The following CAMTA1 variants were observed in gnomAD, a reference collection of about 807,000 sequenced individuals.
CAMTA1 encodes the protein calmodulin binding transcription activator 1.
Under a neutral mutation model 170.9 loss-of-function variants are expected in CAMTA1, and 27 were observed. That is an observed-to-expected ratio of 0.16 (90% CI 0.12 to 0.22). The LOEUF (loss-of-function observed/expected upper bound fraction) is 0.22. Among genes scored for constraint, CAMTA1 ranks in the 10% least tolerant of loss-of-function variants. The pLI, the probability that CAMTA1 is intolerant of heterozygous loss-of-function variation, is 1.00. For synonymous variants in CAMTA1, 833 were observed against 891.5 expected (o/e 0.93, Z 1.17); for missense variants, 1,619 against 2,217.2 (o/e 0.73, Z 5.42).
intron 1 of CAMTA1, among the ~76,000 whole-genome samples, chr1:6,800,808 G>A (rs528280242): frequency 4.8e-4 from 73 of 152,254 alleles, no homozygotes; most frequent in South Asian, 1.2e-3. Context: ...TATAGGCCTC[G>A]CGTTTGGAGA....
chr1:7,186,920 C>G (rs1171475233), intron 4 of CAMTA1, among the ~76,000 whole-genome samples: 1 of 152,066 alleles, frequency 6.6e-6, no homozygotes, highest in African/African-American at 2.4e-5. Context: ...GAAAATCAGT[C>G]TCCCTAGTGG....
At chr1:7,384,561 T>C (rs1419772460) in intron 5 of CAMTA1, among the ~76,000 whole-genome samples, 2 of 152,228 alleles carry the variant, frequency 1.3e-5, no homozygotes, top group Non-Finnish European at 2.9e-5. Flanking sequence ...CTTTTTGTTA[T>C]TCAAAATTAA....
At chr1:7,043,599 A>G (rs955364479) in intron 3 of CAMTA1, among the ~76,000 whole-genome samples, 6 of 152,102 alleles carry the variant, frequency 3.9e-5, no homozygotes, top group Admixed American at 3.9e-4. Context: ...TCTTTCTCAG[A>G]CCCACCCTTC....
At chr1:7,181,077 A>G (rs1489555475) in intron 4 of CAMTA1, among the ~76,000 whole-genome samples, 2 of 152,228 alleles carry the variant, frequency 1.3e-5, no homozygotes, top group Admixed American at 6.5e-5. Context: ...TCTTTTTCCC[A>G]GGAATGCAAG....
chr1:7,124,608 A>G lies in CAMTA1; in HGVS notation c.302+33237A>G, dbSNP rs576949618. ...TGTGCTGATCAATACTTTATATTCCAGATGGGGGATGCCCAATGGATTTGC... is the reference window on the plus strand; with the variant it reads ...TGTGCTGATCAATACTTTATATTCCGGATGGGGGATGCCCAATGGATTTGC... On this transcript the variant is annotated intron_variant, in intron 4 of 22. Coordinates refer to ENST00000303635, the MANE Select transcript of CAMTA1 (RefSeq NM_015215.4). Among the ~76,000 whole-genome samples, 24 of 152,372 alleles carry G rather than the reference A, an allele frequency of 1.6e-4. No individual in the cohort carries two copies. The South Asian group carries it at 5.0e-3, about 32-fold the overall frequency.
intron 3 of CAMTA1, among the ~76,000 whole-genome samples, chr1:6,916,204 T>C (rs189877286): frequency 6.6e-6 from 1 of 151,532 alleles, no homozygotes; most frequent in African/African-American, 2.4e-5. Flanking sequence ...GACCTCCGGG[T>C]CTCACCCTGC....
In CAMTA1 at chr1:7,490,181, G is replaced by T. The variant is rs59220189; in HGVS notation, c.510+22280G>T. 3.4e-3 allele frequency among the ~76,000 whole-genome samples: 523 copies of T among 152,344 alleles called. 4 individuals carry two copies. The highest frequency in any genetic ancestry group is 0.012 in the African/African-American group (498 of 41,572). ...CATCCAGGACCAGCCTGTCCTCTGG[G>T]TGAATCTGGTGCTGAGCTTCCCTTG... is the stretch of plus-strand genomic sequence containing the variant. On this transcript the variant is annotated intron_variant, in intron 6 of 22. Transcript: ENST00000303635.
intron 6 of CAMTA1, among the ~76,000 whole-genome samples, chr1:7,511,004 C>A (rs899712374): frequency 6.9e-6 from 1 of 144,928 alleles, no homozygotes; most frequent in Non-Finnish European, 1.5e-5. Context: ...CGAGCCTCCC[C>A]TCTTTAAACT....
chr1:7,752,392 C>A, intron 20 of CAMTA1, 67 bp from the exon 21 acceptor site: 1 of 1,371,722 alleles, frequency 7.3e-7, no homozygotes, highest in Non-Finnish European at 1.0e-6. Flanking sequence ...TCTGTCACTG[C>A]TGACCAGTTT....
chr1:7,261,950 T>A (rs1043918810), intron 5 of CAMTA1, among the ~76,000 whole-genome samples: 17 of 152,144 alleles, frequency 1.1e-4, no homozygotes, highest in African/African-American at 3.4e-4. Context: ...AGACTCCTTG[T>A]TTTCCCCCAG....
intron 6 of CAMTA1, among the ~76,000 whole-genome samples, chr1:7,576,668 C>T (rs2095197438): frequency 6.6e-6 from 1 of 152,048 alleles, no homozygotes; most frequent in African/African-American, 2.4e-5. Context: ...GCTATCACAG[C>T]CCAAATGGAC....
intron 3 of CAMTA1, among the ~76,000 whole-genome samples, chr1:6,982,130 C>T (rs1196944900): frequency 6.6e-6 from 1 of 151,850 alleles, no homozygotes; most frequent in East Asian, 1.9e-4. Context: ...AGCGGGCCTT[C>T]TTGACTCTCA....
intron 3 of CAMTA1, among the ~76,000 whole-genome samples, chr1:7,008,943 C>T (rs997346397): frequency 2.0e-5 from 3 of 152,218 alleles, no homozygotes; most frequent in African/African-American, 4.8e-5. Flanking sequence ...AAACAGACTT[C>T]GAGGCCTCCT....
chr1:7,741,429 G>A (rs2096813892), intron 16 of CAMTA1, among the ~76,000 whole-genome samples: 1 of 152,036 alleles, frequency 6.6e-6, no homozygotes, highest in Admixed American at 6.6e-5. Context: ...CAGGCATGGT[G>A]GCGGGCACCT....
intron 5 of CAMTA1, among the ~76,000 whole-genome samples, chr1:7,372,358 A>G (rs189564834): frequency 2.2e-3 from 342 of 152,318 alleles, no homozygotes; most frequent in African/African-American, 7.8e-3. Context: ...GATTTTTGTG[A>G]GTATCCTTGC....
In CAMTA1 at chr1:7,283,772, A is replaced by G. The variant is rs537353959; in HGVS notation, c.438+34146A>G. ...GCTGTAAAATCCAACCTTTTCCTCT[A>G]TCCATCTCCTTGGTCATCATAGCAG... On this transcript the variant is annotated intron_variant, in intron 5 of 22. Coordinates refer to ENST00000303635, the MANE Select transcript of CAMTA1 (RefSeq NM_015215.4). Among the ~76,000 whole-genome samples, 12 of 152,026 alleles carry G rather than the reference A, an allele frequency of 7.9e-5. No individual in the cohort carries two copies. In the East Asian group the frequency reaches 1.9e-3, roughly 25 times the overall value.
At chr1:6,785,964 G>A (rs1338200505) in intron 1 of CAMTA1, among the ~76,000 whole-genome samples, 1 of 150,668 alleles carries the variant, frequency 6.6e-6, no homozygotes, top group Non-Finnish European at 1.5e-5. Context: ...CCCGGCGCTG[G>A]GTCCACGGTG....
intron 11 of CAMTA1, among the ~76,000 whole-genome samples, chr1:7,706,418 C>G (rs534255755): frequency 6.6e-6 from 1 of 152,192 alleles, no homozygotes; most frequent in African/African-American, 2.4e-5. Context: ...TCTCTTACTA[C>G]CTTGAGGAAC....
chr1:7,548,064 A>G (rs1269732575), intron 6 of CAMTA1, among the ~76,000 whole-genome samples: 1 of 152,250 alleles, frequency 6.6e-6, no homozygotes, highest in Admixed American at 6.5e-5. Flanking sequence ...GTGAGCATTT[A>G]TATTGATCAG....
Sources: allele counts gnomAD v4.1 joint callset (sites outside exome capture counted in the v4.1 genomes callset), GRCh38; gene constraint gnomAD v4.1.1; transcripts MANE v1.5; gene names NCBI Gene and HGNC (gene_info 2026-07-23, HGNC 2026-07-21).